TRIM36: variants seen among roughly 807,000 people sequenced by gnomAD.
TRIM36 encodes the protein E3 ubiquitin-protein ligase TRIM36.
Under a neutral mutation model 72.4 loss-of-function variants are expected in TRIM36, and 42 were observed. The ratio of observed to expected loss-of-function variants is 0.58; its 90% CI spans 0.45 to 0.75. The LOEUF is 0.75. Ranked by LOEUF, TRIM36 falls within the 30% of genes least tolerant of loss-of-function variation. The pLI is 0.00. For synonymous variants in TRIM36, 315 were observed against 282.8 expected (o/e 1.11, Z -1.14); for missense variants, 913 against 857.1 (o/e 1.07, Z -0.81).
At chr5:115,165,451 A>T (rs916559032) in intron 1 of TRIM36, among the ~76,000 whole-genome samples, 1 of 152,204 alleles carries the variant, frequency 6.6e-6, no homozygotes, top group Non-Finnish European at 1.5e-5. Flanking sequence ...GTGCACTGGT[A>T]GGCCCAACAC....
At position 115,126,839 on chromosome 5, in the gene TRIM36, C is replaced by A; in HGVS notation, c.1815G>T (p.Gly605=). 1 of 1,612,726 alleles carries A rather than the reference C, an allele frequency of 6.2e-7. No individual in the cohort carries two copies. Among genetic ancestry groups the A allele is most frequent in the Non-Finnish European group, 8.5e-7 (1 of 1,179,328 alleles). ...AGGCATCCTCACTTCCACTGTCATG[C>A]CCACTGTCTTGCTCATATCTGAAAC... ...AVSPRYEQDS[G]HDSGSEDACF... Residue 605 remains glycine (G), a synonymous_variant, in exon 10 of 10, where the codon GGG becomes GGT. Transcript: ENST00000513154.
In TRIM36 at chr5:115,165,708, G is replaced by A. The variant is rs538548315; in HGVS notation, c.28-1956C>T. The stretch of plus-strand genomic sequence containing the variant: ...ACAGGCAGGAGCCCTTCTCCCTTCC[G>A]AGTTGGTGCGGAGGGAGCCCCATGC... On this transcript the variant is annotated intron_variant, in intron 1 of 9. Transcript: ENST00000513154. Among the ~76,000 whole-genome samples, 38 of 152,252 alleles carry A rather than the reference G, an allele frequency of 2.5e-4. 1 individual carries two copies. In the South Asian group the frequency reaches 3.9e-3, roughly 16 times the overall value.
chr5:115,131,230 AAAT>A (rs1424359647), intron 8 of TRIM36, among the ~76,000 whole-genome samples: 3 of 152,240 alleles, frequency 2.0e-5, no homozygotes, highest in South Asian at 2.1e-4. Flanking sequence ...TAAAGATAAA[AAAT>A]AATAAAGAGT....
Position 115,130,689 on chromosome 5 carries a change from G to A in TRIM36, c.1699C>T (p.Arg567Cys), listed in dbSNP as rs753196036. Residue 567 changes from arginine (R) to cysteine (C), a missense_variant, in exon 9 of 10, where the codon CGT (arginine) becomes TGT (cysteine). Transcript: ENST00000513154. ...ACCAGGTATGAATATGGTTCCACAC[G>A]GAAGGCCCAGAAGTGTTTTCCTTTT... is the stretch of plus-strand genomic sequence containing the variant. ...ITKGKHFWAF[R>C]VEPYSYLVKV... is the part of the protein sequence containing the mutation. 9 of 1,614,118 alleles carry A rather than the reference G, an allele frequency of 5.6e-6. 1 individual carries two copies. The highest frequency in any genetic ancestry group is 4.4e-5 in the South Asian group (4 of 91,074).
At chr5:115,150,822 G>C (rs1342807631) in intron 2 of TRIM36, among the ~76,000 whole-genome samples, 1 of 152,200 alleles carries the variant, frequency 6.6e-6, no homozygotes, top group African/African-American at 2.4e-5. Flanking sequence ...ACCTGGAGCT[G>C]AGTCAATTTA....
At chr5:115,155,671 A>T (rs777488104) in intron 2 of TRIM36, among the ~76,000 whole-genome samples, 2 of 152,234 alleles carry the variant, frequency 1.3e-5, no homozygotes, top group Non-Finnish European at 2.9e-5. Context: ...ACCTCAATAT[A>T]ATAAAACCCA....
intron 7 of TRIM36, 51 bp from the exon 8 acceptor site, chr5:115,134,198 A>T: frequency 1.4e-6 from 2 of 1,469,794 alleles, no homozygotes; most frequent in African/African-American, 2.8e-5. Context: ...ACATTTGAAA[A>T]CCAGTGTTTT....
intron 2 of TRIM36, chr5:115,159,807 T>A (rs968947557): frequency 2.4e-5 from 9 of 380,016 alleles, no homozygotes; most frequent in African/African-American, 1.9e-4. Context: ...AATGTGTTTT[T>A]CCTGGTACAC....
chr5:115,136,305 C>CAA (rs142412886), intron 7 of TRIM36, among the ~76,000 whole-genome samples: 23 of 152,044 alleles, frequency 1.5e-4, no homozygotes, highest in Non-Finnish European at 2.2e-4. Flanking sequence ...CTCACACACA[C>CAA]ACAGAGGACC....
intron 2 of TRIM36, among the ~76,000 whole-genome samples, chr5:115,154,585 GA>G (rs1754070499): frequency 6.6e-6 from 1 of 152,096 alleles, no homozygotes; most frequent in South Asian, 2.1e-4. Flanking sequence ...AGAAAACCTA[GA>G]AGAGACAGAT....
At chr5:115,171,654 TTAAAGA>T (rs1446801486), upstream of TRIM36, among the ~76,000 whole-genome samples, 2 of 152,224 alleles carry the variant, frequency 1.3e-5, no homozygotes, top group Non-Finnish European at 2.9e-5. Context: ...TTAACAGGAA[TTAAAGA>T]TAAAATCTGT....
Position 115,133,432 on chromosome 5 carries a change from C to A in TRIM36, c.1498+428G>T, listed in dbSNP as rs1394021759. 1.1e-4 allele frequency among the ~76,000 whole-genome samples: 17 copies of A among 152,032 alleles called. No homozygotes were observed. The East Asian group carries it at 2.9e-3, about 26-fold the overall frequency. ...GAAGTGCCTAGTTAGATAAAAAAAT[C>A]CAGACAAATCAGAATTAGGTTAAAT... On this transcript the variant is annotated intron_variant, in intron 8 of 9. Coordinates refer to ENST00000513154, the MANE Select transcript of TRIM36 (RefSeq NM_001300759.2).
chr5:115,124,916 A>G lies in TRIM36; in HGVS notation c.*1587T>C, dbSNP rs1490466577. 6.6e-6 allele frequency: 1 copy of G among 152,564 alleles called. No homozygotes were observed. The highest frequency in any genetic ancestry group is 2.4e-5 in the African/African-American group (1 of 41,460). 9.5% of individuals were successfully genotyped at this position (152,564 alleles called of 1,614,324 possible). On this transcript the variant is annotated 3_prime_UTR_variant, in exon 10 of 10. Coordinates refer to ENST00000513154, the MANE Select transcript of TRIM36 (RefSeq NM_001300759.2). Reference sequence around the variant, plus strand: ...CTTGTACAAGGCTTGAGTATCAACCACAAATGTGACTTTAGCAGCTTTATT... The same window carrying G: ...CTTGTACAAGGCTTGAGTATCAACCGCAAATGTGACTTTAGCAGCTTTATT...
chr5:115,177,618 G>C, intron 1 of TRIM36: 2 of 1,520,420 alleles, frequency 1.3e-6, no homozygotes, highest in Non-Finnish European at 8.8e-7. Flanking sequence ...GGCTAGTGCT[G>C]GGGCTGCGGG....
chr5:115,165,926 GGT>G (rs1421635583), intron 1 of TRIM36, among the ~76,000 whole-genome samples: 2 of 152,130 alleles, frequency 1.3e-5, no homozygotes, highest in Non-Finnish European at 2.9e-5. Context: ...GACCTGGCCA[GGT>G]GTGTGTGTGC....
intron 7 of TRIM36, among the ~76,000 whole-genome samples, chr5:115,135,131 A>C (rs1752894397): frequency 6.6e-6 from 1 of 152,204 alleles, no homozygotes. Flanking sequence ...AATGATTCTA[A>C]ATCTTTATTC....
chr5:115,165,347 G>A (rs533124435), intron 1 of TRIM36, among the ~76,000 whole-genome samples: 72 of 152,316 alleles, frequency 4.7e-4, no homozygotes, highest in African/African-American at 1.2e-3. Context: ...TGAGAGCTTC[G>A]CCCCTGCAGC....
intron 2 of TRIM36, among the ~76,000 whole-genome samples, chr5:115,157,553 A>C (rs1165640894): frequency 6.6e-6 from 1 of 152,086 alleles, no homozygotes; most frequent in East Asian, 1.9e-4. Flanking sequence ...GACAACAGCG[A>C]AACTCTATCT....
At chr5:115,141,431 G>C in intron 4 of TRIM36, 57 bp from the exon 5 acceptor site, 1 of 1,312,096 alleles carries the variant, frequency 7.6e-7, no homozygotes, top group East Asian at 2.5e-5. Context: ...CAAAGACTTT[G>C]CAGAATTTTT....
Sources: allele counts gnomAD v4.1 joint callset (sites outside exome capture counted in the v4.1 genomes callset), GRCh38; gene constraint gnomAD v4.1.1; transcripts MANE v1.5; gene names NCBI Gene and HGNC (gene_info 2026-07-23, HGNC 2026-07-21).